Variants in HECW2 observed in about 807,000 individuals in gnomAD.
HECW2 encodes HECT, C2 and WW domain containing E3 ubiquitin protein ligase 2.
In HECW2, 61 loss-of-function variants were observed where a neutral mutation model predicts 175.2. The ratio of observed to expected loss-of-function variants is 0.35; its 90% CI spans 0.28 to 0.43. The LOEUF (loss-of-function observed/expected upper bound fraction) is 0.43. HECW2 is among the 20% of genes least tolerant of loss of function. HECW2 has a pLI of 1.00. For synonymous variants in HECW2, 671 were observed against 731.0 expected, an observed-to-expected ratio of 0.92 and a Z score of 1.32; for missense variants, 1,524 against 2,000.5, an observed-to-expected ratio of 0.76 and a Z score of 4.54.
At chr2:196,477,726 CA>C (rs1460273175) in intron 1 of HECW2, among the ~76,000 whole-genome samples, 1 of 152,174 alleles carries the variant, frequency 6.6e-6, no homozygotes, top group African/African-American at 2.4e-5. Flanking sequence ...GAAGCGGGTA[CA>C]AGGACCACCC....
At chr2:196,366,369 G>C (rs181564670) in intron 2 of HECW2, among the ~76,000 whole-genome samples, 18 of 152,222 alleles carry the variant, frequency 1.2e-4, no homozygotes, top group Admixed American at 1.1e-3. Flanking sequence ...CATCTTCGGT[G>C]GACAAGGAAA....
chr2:196,273,772 T>C (rs1689835309), intron 16 of HECW2, among the ~76,000 whole-genome samples: 1 of 152,220 alleles, frequency 6.6e-6, no homozygotes, highest in Non-Finnish European at 1.5e-5. Flanking sequence ...TAATCTAATA[T>C]GATACCTCTA....
chr2:196,502,005 T>A (rs1687592612), intron 1 of HECW2, among the ~76,000 whole-genome samples: 1 of 152,224 alleles, frequency 6.6e-6, no homozygotes, highest in Admixed American at 6.5e-5. Flanking sequence ...TAGATTACAA[T>A]CACTCAAGTC....
chr2:196,497,920 C>T lies in HECW2; in HGVS notation c.-35-64462G>A, dbSNP rs547124073. Among the ~76,000 whole-genome samples, 8 of 152,320 alleles carry T rather than the reference C, an allele frequency of 5.3e-5. No individual in the cohort carries two copies. The South Asian group carries it at 1.7e-3, about 32-fold the overall frequency. On this transcript the variant is annotated intron_variant, in intron 1 of 28. Transcript: ENST00000644978. ...TAGATCGTACTCTTTTTGTCCAATC[C>T]TATTTCTATGTGGCTGTCCACACTT...
intron 21 of HECW2, among the ~76,000 whole-genome samples, chr2:196,228,532 A>C (rs1687934609): frequency 6.6e-6 from 1 of 152,218 alleles, no homozygotes; most frequent in Non-Finnish European, 1.5e-5. Flanking sequence ...TACAATAGGC[A>C]ATATGCTAAT....
chr2:196,266,982 C>G (rs1351919007), intron 17 of HECW2, among the ~76,000 whole-genome samples: 1 of 152,176 alleles, frequency 6.6e-6, no homozygotes, highest in Admixed American at 6.5e-5. Context: ...TCCCAAGTTA[C>G]TGATTTCCTG....
At chr2:196,522,938 T>C (rs988364501) in intron 1 of HECW2, among the ~76,000 whole-genome samples, 3 of 152,208 alleles carry the variant, frequency 2.0e-5, no homozygotes, top group African/African-American at 7.2e-5. Context: ...TTCTTTTGAC[T>C]TAGGATTGAC....
At chr2:196,365,319 A>G (rs1693714867) in intron 2 of HECW2, among the ~76,000 whole-genome samples, 2 of 152,214 alleles carry the variant, frequency 1.3e-5, no homozygotes, top group Admixed American at 6.5e-5. Context: ...TAAAAACACA[A>G]CTAGAATCAA....
intron 1 of HECW2, among the ~76,000 whole-genome samples, chr2:196,520,318 G>A (rs1332323856): frequency 6.6e-6 from 1 of 151,436 alleles, no homozygotes; most frequent in Admixed American, 6.6e-5. Context: ...ATTAAGGCTG[G>A]CATCTTAGGC....
At position 196,217,017 on chromosome 2, in the gene HECW2, C is replaced by A. The variant is rs774316240; in HGVS notation, c.4485G>T (p.Arg1495Ser). ...VERFNNEQRLRLLQFVTGTSS... is the reference protein window; with the variant it reads ...VERFNNEQRLSLLQFVTGTSS... ...AATAATGGCATCTCACCTGTAACAA[C>A]CTTAGTCGTTGTTCATTGTTGAATC... Residue 1495 changes from arginine (R) to serine (S), a missense_variant, in exon 27 of 29, where the codon AGG becomes AGT. By Grantham distance (110) the Arg-to-Ser change is moderately radical (BLOSUM62 -1). Around this residue, in one of 11 missense-constraint regions of HECW2, gnomAD observed 134 missense variants for 287.8 expected, o/e 0.47. Coordinates refer to ENST00000644978, the MANE Select transcript of HECW2 (RefSeq NM_001348768.2). The A allele has an allele frequency of 6.6e-7, 1 of 1,523,690 alleles. No homozygotes were observed. Among genetic ancestry groups the A allele is most frequent in the African/African-American group, 1.4e-5 (1 of 69,148 alleles). 94.4% of individuals were successfully genotyped at this position (1,523,690 alleles called of 1,614,324 possible). A position where few individuals can be genotyped will look rare whatever the true frequency, so the allele number is the denominator to read the frequency against.
chr2:196,386,819 C>T (rs978534694), intron 2 of HECW2, among the ~76,000 whole-genome samples: 2 of 152,082 alleles, frequency 1.3e-5, no homozygotes, highest in African/African-American at 4.8e-5. Flanking sequence ...AAAAATGATG[C>T]ATTAAATACA....
chr2:196,240,937 T>G (rs1688429933), intron 20 of HECW2, among the ~76,000 whole-genome samples: 1 of 152,032 alleles, frequency 6.6e-6, no homozygotes. Context: ...TATGAGGCAA[T>G]GTTTTAAGTC....
At chr2:196,483,387 T>C (rs1448364231) in intron 1 of HECW2, among the ~76,000 whole-genome samples, 3 of 152,132 alleles carry the variant, frequency 2.0e-5, no homozygotes, top group Admixed American at 6.5e-5. Context: ...GACACAAAAA[T>C]TGACACTTTA....
At chr2:196,553,372 G>A (rs920296025) in intron 1 of HECW2, among the ~76,000 whole-genome samples, 6 of 152,178 alleles carry the variant, frequency 3.9e-5, no homozygotes, top group African/African-American at 1.4e-4. Flanking sequence ...ACTCTTTCAA[G>A]TTCATTCATT....
At chr2:196,354,194 T>A (rs908098700) in intron 2 of HECW2, among the ~76,000 whole-genome samples, 31 of 152,282 alleles carry the variant, frequency 2.0e-4, no homozygotes, top group African/African-American at 5.5e-4. Flanking sequence ...CCACCATCAG[T>A]CAGGCTGCAG....
Position 196,253,977 on chromosome 2 carries a change from G to A in HECW2, c.3472C>T (p.Pro1158Ser), listed in dbSNP as rs1280338824. ...CCACGTGGGGACTGACAGTAGCTGGGGTGGAGTAAGGCATGTGGAGGCACA... is the reference window on the plus strand; with the variant it reads ...CCACGTGGGGACTGACAGTAGCTGGAGTGGAGTAAGGCATGTGGAGGCACA... Reference protein sequence around the residue: ...SYVPPHALLHPSYCQSPRGSP... With the variant: ...SYVPPHALLHSSYCQSPRGSP... The change falls in exon 19 of 29, where the codon CCC (proline) becomes TCC (serine). Residue 1158 changes from proline (P) to serine (S), a missense_variant. This residue lies in a region of HECW2 where 291 missense variants were observed against 412.2 expected (regional missense o/e 0.71). Coordinates refer to ENST00000644978, the MANE Select transcript of HECW2 (RefSeq NM_001348768.2). 2 of 1,614,042 alleles carry A rather than the reference G, an allele frequency of 1.2e-6. No homozygotes were observed. The highest frequency in any genetic ancestry group is 1.7e-6 in the Non-Finnish European group (2 of 1,179,930).
At chr2:196,464,303 GA>G (rs1408237389) in intron 1 of HECW2, among the ~76,000 whole-genome samples, 3 of 152,114 alleles carry the variant, frequency 2.0e-5, no homozygotes. Context: ...CATAGGAGGG[GA>G]AAAAATTTCA....
At chr2:196,295,576 C>T (rs767927880) in intron 13 of HECW2, among the ~76,000 whole-genome samples, 5 of 152,142 alleles carry the variant, frequency 3.3e-5, no homozygotes, top group African/African-American at 4.8e-5. Context: ...CATTACATTA[C>T]CCATTGTTCT....
intron 21 of HECW2, among the ~76,000 whole-genome samples, chr2:196,230,041 G>A (rs972537286): frequency 6.6e-6 from 1 of 152,164 alleles, no homozygotes; most frequent in Non-Finnish European, 1.5e-5. Flanking sequence ...AAAGAAAAAT[G>A]CAAACAGCAG....
Sources: allele counts gnomAD v4.1 joint callset (sites outside exome capture counted in the v4.1 genomes callset), GRCh38; gene constraint gnomAD v4.1.1; regional missense constraint gnomAD v4.1.1; transcripts MANE v1.5; gene names NCBI Gene and HGNC (gene_info 2026-07-23, HGNC 2026-07-21).